The following HK3 variants were observed in gnomAD, a reference collection of about 807,000 sequenced individuals.
The protein encoded by HK3 is hexokinase 3.
HK3 carries 93 observed loss-of-function variants against 91.0 expected under a neutral mutation model. That is an observed-to-expected ratio of 1.02 (90% CI 0.86 to 1.21). The LOEUF (loss-of-function observed/expected upper bound fraction) is 1.21. Ranked by LOEUF, HK3 falls within the 50% of genes most tolerant of loss-of-function variation. The pLI is 0.00. For missense variants in HK3, 1,235 were observed against 1,247.4 expected (o/e 0.99, Z 0.15); for synonymous variants, 519 against 516.9 (o/e 1.00, Z -0.06).
In HK3 at chr5:176,883,977, A is replaced by G. The variant is rs967057885; in HGVS notation, c.1953+62T>C. 1.0e-5 allele frequency: 16 copies of G among 1,586,876 alleles called. No homozygotes were observed. The Admixed American group carries it at 2.7e-4, about 26-fold the overall frequency. On this transcript the variant is annotated intron_variant, in intron 14 of 18. Transcript: ENST00000292432. ...GAGGGCTCCCCCCTCAGAAAGTAGG[A>G]GACTCTTTGCTCCCCTCAAGGCCTG...
chr5:176,881,071 C>A lies in HK3; in HGVS notation c.*2G>T. ...GGAGACCTCCTCAGCCTGGAGGTTT[C>A]CTCAGACACGAGTCAACTGCGCAAG... On this transcript the variant is annotated 3_prime_UTR_variant, in exon 19 of 19. Coordinates refer to ENST00000292432, the MANE Select transcript of HK3 (RefSeq NM_002115.3). 6.3e-7 allele frequency: 1 copy of A among 1,597,840 alleles called. No homozygotes were observed. Among genetic ancestry groups the A allele is most frequent in the South Asian group, 1.1e-5 (1 of 90,254 alleles).
chr5:176,889,859 A>C, intron 6 of HK3, 115 bp from the exon 7 acceptor site: 1 of 789,314 alleles, frequency 1.3e-6, no homozygotes, highest in Non-Finnish European at 2.1e-6. Context: ...AGTCCATGAA[A>C]CACATGTCTG....
At position 176,880,946 on chromosome 5, in the gene HK3, G is replaced by T; in HGVS notation, c.*127C>A. 1 of 1,074,460 alleles carries T rather than the reference G, an allele frequency of 9.3e-7. No homozygotes were observed. The highest frequency in any genetic ancestry group is 1.3e-6 in the Non-Finnish European group (1 of 775,480). 66.6% of individuals were successfully genotyped at this position (1,074,460 alleles called of 1,614,324 possible). On this transcript the variant is annotated 3_prime_UTR_variant, in exon 19 of 19. Transcript: ENST00000292432. ...GAAAGCCAGGGAGCAAGGCCAAATG[G>T]CCGCAGAGGGGTCACACATGGGATG...
Position 176,891,040 on chromosome 5 carries a change from C to T in HK3, c.411G>A (p.Gln137=). 6.2e-7 allele frequency: 1 copy of T among 1,613,952 alleles called. No individual in the cohort carries two copies. ...AGGCTGGGCAGTGAGTGCTTACCTG[C>T]TGGCCAGCACCCAGCATCACCTCTT... is the stretch of plus-strand genomic sequence containing the variant. ...IPQEVMLGAG[Q]QLFDFAAHCL... The change falls in exon 4 of 19, where the codon CAG becomes CAA. Residue 137 remains glutamine, a synonymous_variant. Coordinates refer to ENST00000292432, the MANE Select transcript of HK3 (RefSeq NM_002115.3).
intron 13 of HK3, among the ~76,000 whole-genome samples, chr5:176,886,572 C>T (rs1758589509): frequency 6.6e-6 from 1 of 151,908 alleles, no homozygotes; most frequent in Admixed American, 6.6e-5. Flanking sequence ...TAGCCTGTGC[C>T]TGGCACTCTG....
chr5:176,891,687 C>T, intron 2 of HK3, 137 bp from the exon 3 acceptor site: 1 of 833,134 alleles, frequency 1.2e-6, no homozygotes, highest in Non-Finnish European at 1.8e-6. Context: ...TTGCCAACAG[C>T]CTGCACCCAG....
In HK3 at chr5:176,884,167, C is replaced by T. The variant is rs371550031; in HGVS notation, c.1858-33G>A. The T allele has an allele frequency of 4.5e-6, 7 of 1,569,810 alleles. No individual in the cohort carries two copies. Among genetic ancestry groups the T allele is most frequent in the African/African-American group, 2.7e-5 (2 of 74,062 alleles). On this transcript the variant is annotated intron_variant, in intron 13 of 18. Coordinates refer to ENST00000292432, the MANE Select transcript of HK3 (RefSeq NM_002115.3). The surrounding 1 kb of genome is among the most constrained non-coding windows in gnomAD (Gnocchi z 4.1). ...GAGACCGAGAGGAAGTGGCAGGAAG[C>T]TGGAGGCCCCTTCAGGCTCACTCTG... is the stretch of plus-strand genomic sequence containing the variant.
intron 2 of HK3, 88 bp downstream of exon 2, chr5:176,895,976 G>T: frequency 9.5e-7 from 1 of 1,051,912 alleles, no homozygotes; most frequent in South Asian, 1.3e-5. Context: ...CTGCATGGGT[G>T]AGAGCCCAGG....
rs145014783 is a variant in HK3 at position 176,882,091 on chromosome 5, C to G, written c.2090G>C (p.Arg697Pro). ...GTNACYMEELRNVAGVPGDSG... is the reference protein window; with the variant it reads ...GTNACYMEELPNVAGVPGDSG... ...GTCCCCAGGCACGCCCGCCACATTC[C>G]GGAGCTCCTCCATGTAGCAGGCATT... Residue 697 changes from arginine to proline, a missense_variant, in exon 16 of 19, where the codon CGG becomes CCG. Physicochemically the swap from Arg to Pro is moderately radical, Grantham distance 103 (BLOSUM62 -2). Coordinates refer to ENST00000292432, the MANE Select transcript of HK3 (RefSeq NM_002115.3). The G allele has an allele frequency of 1.9e-6, 3 of 1,613,022 alleles. No homozygotes were observed. In the South Asian group the frequency reaches 3.3e-5, roughly 18 times the overall value.
intron 13 of HK3, among the ~76,000 whole-genome samples, chr5:176,886,497 T>C (rs1391155141): frequency 1.3e-5 from 2 of 151,876 alleles, no homozygotes; most frequent in African/African-American, 2.4e-5. Context: ...GGTGTGCACA[T>C]TGAGAAGTCC....
chr5:176,889,405 T>C lies in HK3; in HGVS notation c.890A>G (p.Glu297Gly). The change falls in exon 8 of 19, where the codon GAG (glutamate) becomes GGG (glycine). Residue 297 changes from glutamate to glycine, a missense_variant. Transcript: ENST00000292432. Reference protein sequence around the residue: ...LTTFDHTLDHESLNPGAQRFE... With the variant: ...LTTFDHTLDHGSLNPGAQRFE... ...CCTCTGAGCACCAGGATTCAGGGACTCATGGTCCAGGGTATGGTCGAAGGT... is the reference window on the plus strand; with the variant it reads ...CCTCTGAGCACCAGGATTCAGGGACCCATGGTCCAGGGTATGGTCGAAGGT... The C allele has an allele frequency of 1.9e-6, 3 of 1,614,088 alleles. No homozygotes were observed. Among genetic ancestry groups the C allele is most frequent in the Non-Finnish European group, 1.7e-6 (2 of 1,179,984 alleles).
Position 176,881,383 on chromosome 5 carries a change from T to A in HK3, c.2546A>T (p.Glu849Val). ...CAGGCCCCGGTTCTCCCGGATCTTC[T>A]CCACCACGGCAGCTACACCCGCCCC... ...LCGAGVAAVV[E>V]KIRENRGLEE... Residue 849 changes from glutamate (E) to valine (V), a missense_variant, in exon 18 of 19, where the codon GAG becomes GTG. Physicochemically the swap from Glu to Val is moderately radical, Grantham distance 121. Coordinates refer to ENST00000292432, the MANE Select transcript of HK3 (RefSeq NM_002115.3). 1 of 1,613,508 alleles carries A rather than the reference T, an allele frequency of 6.2e-7. No individual in the cohort carries two copies. The highest frequency in any genetic ancestry group is 8.5e-7 in the Non-Finnish European group (1 of 1,179,968).
chr5:176,885,097 A>C (rs1191886244), intron 13 of HK3, among the ~76,000 whole-genome samples: 1 of 152,158 alleles, frequency 6.6e-6, no homozygotes, highest in East Asian at 1.9e-4. Flanking sequence ...CAAAGGGGGA[A>C]GTCAGACCCA....
chr5:176,887,987 A>G lies in HK3; in HGVS notation c.1305-241T>C, dbSNP rs2149375280. ...GTGATCATGGCTTACTGTAACCTCAAACTCCCAGGCTCCAATGATCCTCCC... is the reference window on the plus strand; with the variant it reads ...GTGATCATGGCTTACTGTAACCTCAGACTCCCAGGCTCCAATGATCCTCCC... On this transcript the variant is annotated intron_variant, in intron 10 of 18. Coordinates refer to ENST00000292432, the MANE Select transcript of HK3 (RefSeq NM_002115.3). This position sits in a 1 kb window ranked among gnomAD's most constrained non-coding sequence, Gnocchi z 4.9. 6.6e-6 allele frequency among the ~76,000 whole-genome samples: 1 copy of G among 151,946 alleles called. No homozygotes were observed. Among genetic ancestry groups the G allele is most frequent in the East Asian group, 1.9e-4 (1 of 5,172 alleles).
chr5:176,892,132 C>T (rs1199632661), intron 2 of HK3, among the ~76,000 whole-genome samples: 1 of 152,210 alleles, frequency 6.6e-6, no homozygotes, highest in Non-Finnish European at 1.5e-5. Flanking sequence ...ACCGCACACA[C>T]ATAACCACCC....
intron 1 of HK3, among the ~76,000 whole-genome samples, chr5:176,897,799 C>T (rs1460355857): frequency 6.6e-6 from 1 of 152,138 alleles, no homozygotes; most frequent in Non-Finnish European, 1.5e-5. Flanking sequence ...CTCGCCCATT[C>T]CCAAGGTTTC....
At position 176,881,322 on chromosome 5, in the gene HK3, C is replaced by T. The variant is rs142135875; in HGVS notation, c.2607G>A (p.Thr869=). 39 of 1,613,834 alleles carry T rather than the reference C, an allele frequency of 2.4e-5. 1 individual carries two copies. The highest frequency in any genetic ancestry group is 1.8e-4 in the South Asian group (16 of 91,080). The change falls in exon 18 of 19, where the codon ACG becomes ACA. Residue 869 remains threonine (T), a synonymous_variant. Transcript: ENST00000292432. Reference sequence around the variant, plus strand: ...CTCACCGCGGGTGCAGCTTGTAGAGCGTTCCATCCACCCCCACAGACACTG... The same window carrying T: ...CTCACCGCGGGTGCAGCTTGTAGAGTGTTCCATCCACCCCCACAGACACTG... ...ELAVSVGVDG[T]LYKLHPRFSS...
intron 2 of HK3, among the ~76,000 whole-genome samples, chr5:176,893,347 T>C (rs867751673): frequency 5.9e-5 from 9 of 152,202 alleles, no homozygotes; most frequent in Non-Finnish European, 1.3e-4. Flanking sequence ...CCCCAGATGA[T>C]CCGGCTTGAG....
intron 15 of HK3, among the ~76,000 whole-genome samples, chr5:176,883,049 C>T (rs1313429955): frequency 1.3e-5 from 2 of 152,234 alleles, no homozygotes; most frequent in African/African-American, 2.4e-5. Context: ...TCAAGTTCCA[C>T]TCATCCTGGG....
Sources: allele counts gnomAD v4.1 joint callset (sites outside exome capture counted in the v4.1 genomes callset), GRCh38; gene constraint gnomAD v4.1.1; non-coding constraint Gnocchi (gnomAD v3.1); transcripts MANE v1.5; gene names NCBI Gene and HGNC (gene_info 2026-07-23, HGNC 2026-07-21).